NKAPD1: variants seen among roughly 807,000 people sequenced by gnomAD.
NKAPD1 encodes uncharacterized protein NKAPD1.
NKAPD1 carries 12 observed loss-of-function variants against 30.9 expected under a neutral mutation model. The observed-to-expected ratio is 0.39, with a 90% CI of 0.25 to 0.63. The LOEUF is 0.63. Ranked by LOEUF, NKAPD1 falls within the 20% of genes least tolerant of loss-of-function variation. NKAPD1 has a pLI of 0.51. For missense variants in NKAPD1, 311 were observed against 344.5 expected (o/e 0.90, Z 0.77); for synonymous variants, 91 against 113.6 (o/e 0.80, Z 1.26).
rs567316416 is a variant in NKAPD1 at position 112,075,765 on chromosome 11, C to T, written c.69+122C>T. ...TTGTCATCTAGTTTTTGGAAGCTTCCGTACACAGTAGGAAATAAAATGATG... is the reference window on the plus strand; with the variant it reads ...TTGTCATCTAGTTTTTGGAAGCTTCTGTACACAGTAGGAAATAAAATGATG... On this transcript the variant is annotated intron_variant, in intron 2 of 5. Transcript: ENST00000393047. 131 of 903,714 alleles carry T rather than the reference C, an allele frequency of 1.4e-4. No individual in the cohort carries two copies. The South Asian group carries it at 1.8e-3, about 12-fold the overall frequency. 56.0% of individuals were successfully genotyped at this position (903,714 alleles called of 1,614,324 possible).
Position 112,084,955 on chromosome 11 carries a change from T to C in NKAPD1, c.*1983T>C, listed in dbSNP as rs913233035. On this transcript the variant is annotated 3_prime_UTR_variant, in exon 6 of 6. Coordinates refer to ENST00000393047, the MANE Select transcript of NKAPD1 (RefSeq NM_018195.4). ...CCCTTAATATGGCTTAGGGTGGTTT[T>C]TCAAAACCTACAATCCCCCATTTGC... is the stretch of plus-strand genomic sequence containing the variant. 1 of 185,324 alleles carries C rather than the reference T, an allele frequency of 5.4e-6. No individual in the cohort carries two copies. The highest frequency in any genetic ancestry group is 2.3e-5 in the African/African-American group (1 of 42,750). The allele number at this position is 185,324 out of a possible 1,614,324, so 11.5% of individuals were successfully genotyped here.
intron 1 of NKAPD1, 52 bp from the exon 2 acceptor site, chr11:112,075,515 A>T (rs952347598): frequency 3.6e-6 from 5 of 1,372,718 alleles, no homozygotes; most frequent in South Asian, 2.5e-5. Flanking sequence ...TCAAGAAAAG[A>T]TAAAGTAATA....
intron 2 of NKAPD1, among the ~76,000 whole-genome samples, chr11:112,077,201 G>C (rs1592763383): frequency 6.6e-6 from 1 of 152,216 alleles, no homozygotes; most frequent in Non-Finnish European, 1.5e-5. Flanking sequence ...TGTTACCCGA[G>C]CTGCCTATGC....
chr11:112,083,178 T>C lies in NKAPD1; in HGVS notation c.*206T>C, dbSNP rs1483583310. Reference sequence around the variant, plus strand: ...TAAAAGGGAATCTGGTATTTTGTTATGAAGGTTTCTTGAAGAGATTATTTT... The same window carrying C: ...TAAAAGGGAATCTGGTATTTTGTTACGAAGGTTTCTTGAAGAGATTATTTT... On this transcript the variant is annotated 3_prime_UTR_variant, in exon 6 of 6. Transcript: ENST00000393047. 2.3e-5 allele frequency: 11 copies of C among 486,872 alleles called. No homozygotes were observed. Among genetic ancestry groups the C allele is most frequent in the South Asian group, 5.4e-5 (1 of 18,540 alleles). 30.2% of individuals were successfully genotyped at this position (486,872 alleles called of 1,614,324 possible). A position where few individuals can be genotyped will look rare whatever the true frequency, so the allele number is the denominator to read the frequency against.
At position 112,074,387 on chromosome 11, in the gene NKAPD1, G is replaced by T. The variant is rs1555185302; in HGVS notation, c.-538G>T. On this transcript the variant is annotated 5_prime_UTR_variant, in exon 1 of 6. Transcript: ENST00000393047. ...TGGGTGTGTTTGTGTGTATTTGTGTGGGGAGGGCGTTTGGAGGGAAGGTTA... is the reference window on the plus strand; with the variant it reads ...TGGGTGTGTTTGTGTGTATTTGTGTTGGGAGGGCGTTTGGAGGGAAGGTTA... The T allele has an allele frequency of 5.0e-6, 2 of 399,086 alleles. No individual in the cohort carries two copies. The highest frequency in any genetic ancestry group is 7.1e-5 in the East Asian group (2 of 28,094). The allele number at this position is 399,086 out of a possible 1,614,324, so 24.7% of individuals were successfully genotyped here. A position where few individuals can be genotyped will look rare whatever the true frequency, so the allele number is the denominator to read the frequency against.
In NKAPD1 at chr11:112,082,629, T is replaced by C. The variant is rs558064862; in HGVS notation, c.539T>C (p.Ile180Thr). Residue 180 changes from isoleucine (I) to threonine (T), a missense_variant, in exon 6 of 6, where the codon ATA (isoleucine) becomes ACA (threonine). Ile to Thr is a moderately conservative substitution (Grantham distance 89). Transcript: ENST00000393047. ...AAAAGCAAAAAGGAAGCCACAGATA[T>C]AACAGCAGATTCCTCGAGTGAGTTC... ...QKKSKKEATD[I>T]TADSSSEFSE... The C allele has an allele frequency of 4.3e-6, 7 of 1,613,652 alleles. No homozygotes were observed. Among genetic ancestry groups the C allele is most frequent in the South Asian group, 1.1e-5 (1 of 90,922 alleles).
At chr11:112,080,751 T>C in intron 4 of NKAPD1, 193 bp downstream of exon 4, 2 of 571,148 alleles carry the variant, frequency 3.5e-6, no homozygotes, top group Admixed American at 3.4e-5. Flanking sequence ...GATATATCCA[T>C]ACAATGGAAT....
At chr11:112,080,658 C>A in intron 4 of NKAPD1, 100 bp downstream of exon 4, 1 of 1,366,810 alleles carries the variant, frequency 7.3e-7, no homozygotes, top group Non-Finnish European at 1.0e-6. Context: ...AAAGTTCATA[C>A]CAGCATTATT....
rs59827110 is a variant in NKAPD1 at position 112,081,630 on chromosome 11, CAAA to C, written c.321-337_321-335del. ...CCTGGGCAAGAGTGAGACTCCATCTCAAAAAAAAAAAAAAAAATTGTCCCCATG... is the reference window on the plus strand; with the variant it reads ...CCTGGGCAAGAGTGAGACTCCATCTCAAAAAAAAAAAAAATTGTCCCCATG... On this transcript the variant is annotated intron_variant, in intron 4 of 5. Transcript: ENST00000393047. The C allele has an allele frequency of 5.0e-3, 805 of 159,610 alleles. 3 individuals are homozygous for C. The highest frequency in any genetic ancestry group is 0.019 in the African/African-American group (700 of 36,624). 9.9% of individuals were successfully genotyped at this position (159,610 alleles called of 1,614,324 possible).
chr11:112,080,319 G>C, intron 3 of NKAPD1, 90 bp from the exon 4 acceptor site: 2 of 1,256,242 alleles, frequency 1.6e-6, no homozygotes, highest in South Asian at 1.3e-5. Context: ...TTCCCCCTCA[G>C]CTTGTTCCAT....
chr11:112,082,357 T>G (rs561192026), intron 5 of NKAPD1, 108 bp from the exon 6 acceptor site: 1 of 974,836 alleles, frequency 1.0e-6, no homozygotes, highest in African/African-American at 1.8e-5. Flanking sequence ...AAAGTGCTTA[T>G]TTAAAATTCA....
intron 3 of NKAPD1, 101 bp from the exon 4 acceptor site, chr11:112,080,308 C>A: frequency 3.0e-6 from 3 of 1,001,576 alleles, no homozygotes; most frequent in Non-Finnish European, 4.4e-6. Flanking sequence ...ATGTTGTTTC[C>A]TTCCCCCTCA....
chr11:112,079,519 A>C (rs1005118664), intron 3 of NKAPD1, among the ~76,000 whole-genome samples: 1 of 152,234 alleles, frequency 6.6e-6, no homozygotes, highest in Non-Finnish European at 1.5e-5. Context: ...AAGCTGGATC[A>C]GTGGTTCTCA....
chr11:112,077,071 A>G (rs969189637), intron 2 of NKAPD1, among the ~76,000 whole-genome samples: 12 of 152,226 alleles, frequency 7.9e-5, no homozygotes, highest in South Asian at 4.1e-4. Context: ...GAGCACATAT[A>G]ATGAAAAGAG....
rs993804682 is a variant in NKAPD1 at position 112,083,128 on chromosome 11, G to A, written c.*156G>A. 2.6e-5 allele frequency: 18 copies of A among 688,692 alleles called. No individual in the cohort carries two copies. Among genetic ancestry groups the A allele is most frequent in the Middle Eastern group, 4.2e-4 (1 of 2,396 alleles). 42.7% of individuals were successfully genotyped at this position (688,692 alleles called of 1,614,324 possible). ...CAGACGTCTTGTCTTCTATTTTGGC[G>A]TTAAGCTTGATCCCCTTTTCTTGTT... On this transcript the variant is annotated 3_prime_UTR_variant, in exon 6 of 6. Transcript: ENST00000393047.
Position 112,078,303 on chromosome 11 carries a change from C to T in NKAPD1, c.158C>T (p.Pro53Leu), listed in dbSNP as rs1348129281. 2 of 1,610,454 alleles carry T rather than the reference C, an allele frequency of 1.2e-6. No homozygotes were observed. Among genetic ancestry groups the T allele is most frequent in the Non-Finnish European group, 1.7e-6 (2 of 1,177,838 alleles). Residue 53 changes from proline (P) to leucine (L), a missense_variant, in exon 3 of 6, where the codon CCC (proline) becomes CTC (leucine). Physicochemically the swap from Pro to Leu is moderately conservative, Grantham distance 98. Coordinates refer to ENST00000393047, the MANE Select transcript of NKAPD1 (RefSeq NM_018195.4). ...CGGGGGACCAAAAGGAAAATGCTAC[C>T]CAGCAGTTCAAGGTGAAGTTGCAGC... is the stretch of plus-strand genomic sequence containing the variant. ...AYRGTKRKML[P>L]SSSSRMRSDG...
At chr11:112,081,952 TAAC>T in intron 4 of NKAPD1, 27 bp from the exon 5 acceptor site, 2 of 1,590,626 alleles carry the variant, frequency 1.3e-6, no homozygotes, top group Non-Finnish European at 1.7e-6. Flanking sequence ...TGCATTGCTT[TAAC>T]AATACATGTG....
At chr11:112,080,071 T>A (rs1200912104) in intron 3 of NKAPD1, among the ~76,000 whole-genome samples, 2 of 152,134 alleles carry the variant, frequency 1.3e-5, no homozygotes, top group African/African-American at 4.8e-5. Context: ...CGCCCCGGCC[T>A]CCCAAAGTGC....
rs965233281 is a variant in NKAPD1 at position 112,079,126 on chromosome 11, T to C, written c.170+811T>C. Among the ~76,000 whole-genome samples, 6 of 149,238 alleles carry C rather than the reference T, an allele frequency of 4.0e-5. No homozygotes were observed. The East Asian group carries it at 9.9e-4, about 25-fold the overall frequency. On this transcript the variant is annotated intron_variant, in intron 3 of 5. Coordinates refer to ENST00000393047, the MANE Select transcript of NKAPD1 (RefSeq NM_018195.4). The stretch of plus-strand genomic sequence containing the variant: ...GCCAGCTAGACCAGTACCTGGTACA[T>C]AGGAGGCCCTTACAATTTTTTTTTT...
Sources: allele counts gnomAD v4.1 joint callset (sites outside exome capture counted in the v4.1 genomes callset), GRCh38; gene constraint gnomAD v4.1.1; transcripts MANE v1.5; gene names NCBI Gene and HGNC (gene_info 2026-07-23, HGNC 2026-07-21).